The following MSRA variants were observed in gnomAD, a reference collection of about 807,000 sequenced individuals.
MSRA encodes mitochondrial peptide methionine sulfoxide reductase.
MSRA carries 54 observed loss-of-function variants against 31.3 expected under a neutral mutation model. That is an observed-to-expected ratio of 1.73 (90% CI 1.39 to 2.17). The LOEUF (loss-of-function observed/expected upper bound fraction) is 2.17. Among genes scored for constraint, MSRA ranks in the 30% most tolerant of loss-of-function variants. MSRA has a pLI of 0.00. For missense variants in MSRA, 507 were observed against 300.9 expected (o/e 1.69, Z -5.07); for synonymous variants, 169 against 116.5 (o/e 1.45, Z -2.90).
intron 5 of MSRA, among the ~76,000 whole-genome samples, chr8:10,377,237 A>G (rs1010566836): frequency 6.6e-6 from 1 of 152,288 alleles, no homozygotes; most frequent in South Asian, 2.1e-4. Flanking sequence ...GCGTGGCTTA[A>G]CGTTAATTAC....
intron 5 of MSRA, among the ~76,000 whole-genome samples, chr8:10,417,795 T>C (rs1187440964): frequency 6.6e-6 from 1 of 150,812 alleles, no homozygotes; most frequent in Non-Finnish European, 1.5e-5. Context: ...TACACGCACG[T>C]GTGCACACGC....
At chr8:10,102,703 G>C (rs1799617479) in intron 1 of MSRA, among the ~76,000 whole-genome samples, 1 of 152,150 alleles carries the variant, frequency 6.6e-6, no homozygotes, top group South Asian at 2.1e-4. Context: ...TATGAGACTG[G>C]ATTTTATTTA....
At chr8:10,074,514 A>G (rs1797903099) in intron 1 of MSRA, among the ~76,000 whole-genome samples, 1 of 152,074 alleles carries the variant, frequency 6.6e-6, no homozygotes, top group Non-Finnish European at 1.5e-5. Flanking sequence ...TGAAAGGTAA[A>G]CCACTGTGGT....
intron 3 of MSRA, among the ~76,000 whole-genome samples, chr8:10,272,141 T>C (rs1052613811): frequency 1.3e-5 from 2 of 152,250 alleles, no homozygotes; most frequent in African/African-American, 2.4e-5. Context: ...TCTGGAGTTA[T>C]TCCCTTCACT....
intron 5 of MSRA, among the ~76,000 whole-genome samples, chr8:10,362,475 A>AC: frequency 6.6e-6 from 1 of 151,528 alleles, no homozygotes; most frequent in Non-Finnish European, 1.5e-5. Flanking sequence ...AAAAAAAAAA[A>AC]AAAAAAAGTG....
At chr8:10,267,494 A>G (rs1317854341) in intron 3 of MSRA, among the ~76,000 whole-genome samples, 5 of 151,972 alleles carry the variant, frequency 3.3e-5, no homozygotes, top group Non-Finnish European at 7.4e-5. Context: ...CACTGCATTG[A>G]CTGTGGTATA....
At chr8:10,082,471 C>G (rs1258936076) in intron 1 of MSRA, among the ~76,000 whole-genome samples, 1 of 152,160 alleles carries the variant, frequency 6.6e-6, no homozygotes, top group African/African-American at 2.4e-5. Context: ...CCTAAGAAAA[C>G]ATACGTCATC....
intron 5 of MSRA, among the ~76,000 whole-genome samples, chr8:10,402,262 A>T (rs1336746161): frequency 6.6e-6 from 1 of 152,150 alleles, no homozygotes; most frequent in Non-Finnish European, 1.5e-5. Flanking sequence ...AACTGGACAG[A>T]AGCTCTCTAG....
intron 1 of MSRA, among the ~76,000 whole-genome samples, chr8:10,078,467 C>T (rs1004127951): frequency 1.3e-5 from 2 of 152,236 alleles, no homozygotes; most frequent in South Asian, 2.1e-4. Context: ...CTGGACTGGC[C>T]ACTGGGACTC....
chr8:10,277,164 A>G (rs539890957), intron 3 of MSRA, among the ~76,000 whole-genome samples: 15 of 152,346 alleles, frequency 9.8e-5, no homozygotes, highest in African/African-American at 3.6e-4. Flanking sequence ...GCTCAATGAC[A>G]TTATTCTTAT....
chr8:10,141,023 T>G (rs1802658716), intron 1 of MSRA, among the ~76,000 whole-genome samples: 1 of 152,050 alleles, frequency 6.6e-6, no homozygotes, highest in East Asian at 1.9e-4. Context: ...CAAATACTGG[T>G]GTAACATAAG....
intron 5 of MSRA, among the ~76,000 whole-genome samples, chr8:10,427,474 C>A (rs543390793): frequency 1.3e-5 from 2 of 152,292 alleles, no homozygotes; most frequent in East Asian, 3.9e-4. Context: ...CAGGCCACAT[C>A]CTGCCCTGCC....
At chr8:10,124,818 G>A (rs1801387411) in intron 1 of MSRA, among the ~76,000 whole-genome samples, 1 of 149,458 alleles carries the variant, frequency 6.7e-6, no homozygotes. Context: ...GAATTAAATT[G>A]GGTAATATGA....
At position 10,231,907 on chromosome 8, in the gene MSRA, T is replaced by TAAAATA. The variant is rs57904447; in HGVS notation, c.212-13175_212-13170dup. On this transcript the variant is annotated intron_variant, in intron 2 of 5. Transcript: ENST00000317173. ...GACAGAGCGAGACTTTGTCTCAAAA[T>TAAAATA]AAAATAAAAATAAAAATAAAAATAA... is the stretch of plus-strand genomic sequence containing the variant. 2.0e-4 allele frequency among the ~76,000 whole-genome samples: 29 copies of TAAAATA among 144,352 alleles called. No individual in the cohort carries two copies. In the South Asian group the frequency reaches 3.2e-3, roughly 16 times the overall value. 94.7% of individuals were successfully genotyped at this position (144,352 alleles called of 152,430 possible). A position where few individuals can be genotyped will look rare whatever the true frequency, so the allele number is the denominator to read the frequency against.
At chr8:10,227,245 C>T (rs887409449) in intron 2 of MSRA, among the ~76,000 whole-genome samples, 1 of 152,100 alleles carries the variant, frequency 6.6e-6, no homozygotes, top group Non-Finnish European at 1.5e-5. Flanking sequence ...AGAGTGTTGG[C>T]AGGTTGTCAT....
At chr8:10,368,908 C>T (rs1332731955) in intron 5 of MSRA, among the ~76,000 whole-genome samples, 3 of 152,208 alleles carry the variant, frequency 2.0e-5, no homozygotes, top group Non-Finnish European at 2.9e-5. Context: ...GCAAAGGCTT[C>T]TCCCCTACTG....
At chr8:10,366,757 T>C (rs562930124) in intron 5 of MSRA, among the ~76,000 whole-genome samples, 2 of 152,304 alleles carry the variant, frequency 1.3e-5, no homozygotes, top group South Asian at 4.2e-4. Context: ...CTGATCTTTT[T>C]CATTCTGAGC....
intron 1 of MSRA, among the ~76,000 whole-genome samples, chr8:10,074,250 T>A (rs1006058332): frequency 6.6e-6 from 1 of 151,482 alleles, no homozygotes; most frequent in Non-Finnish European, 1.5e-5. Context: ...GCCCAGCTAA[T>A]TTTTTGTATT....
intron 1 of MSRA, among the ~76,000 whole-genome samples, chr8:10,159,533 A>G (rs1183186158): frequency 6.6e-6 from 1 of 152,244 alleles, no homozygotes; most frequent in Non-Finnish European, 1.5e-5. Flanking sequence ...GCATGGAAGT[A>G]CAGTTTTTTA....
Sources: allele counts gnomAD v4.1 joint callset (sites outside exome capture counted in the v4.1 genomes callset), GRCh38; gene constraint gnomAD v4.1.1; transcripts MANE v1.5; gene names NCBI Gene and HGNC (gene_info 2026-07-23, HGNC 2026-07-21).